The following CSMD1 variants were observed in gnomAD, a reference collection of about 807,000 sequenced individuals.
CSMD1 encodes the protein CUB and sushi domain-containing protein 1.
CSMD1 carries 213 observed loss-of-function variants against 417.5 expected under a neutral mutation model. The observed-to-expected ratio is 0.51, with a 90% confidence interval of 0.46 to 0.57. CSMD1 has a LOEUF of 0.57. CSMD1 is among the 20% of genes least tolerant of loss of function. CSMD1 has a pLI of 0.00. For synonymous variants in CSMD1, 2,862 were observed against 1,736.8 expected (o/e 1.65, Z -16.11); for missense variants, 6,923 against 4,529.7 (o/e 1.53, Z -15.17).
intron 21 of CSMD1, among the ~76,000 whole-genome samples, chr8:3,356,638 G>A (rs1310871595): frequency 1.3e-5 from 2 of 152,208 alleles, no homozygotes; most frequent in African/African-American, 4.8e-5. Flanking sequence ...TCGTGCCACT[G>A]CACTCCAGCC....
chr8:3,266,302 G>A (rs1236185007), intron 26 of CSMD1, among the ~76,000 whole-genome samples: 1 of 151,296 alleles, frequency 6.6e-6, no homozygotes, highest in Non-Finnish European at 1.5e-5. Context: ...GTTCTGCAAG[G>A]GGCCGTTTAA....
intron 3 of CSMD1, among the ~76,000 whole-genome samples, chr8:4,282,591 G>C (rs1796849008): frequency 6.6e-6 from 1 of 151,756 alleles, no homozygotes; most frequent in African/African-American, 2.4e-5. Context: ...ATTGATCTTA[G>C]AAGATTACAG....
chr8:4,364,166 A>G lies in CSMD1; in HGVS notation c.415+55787T>C, dbSNP rs375734115. ...AATCTCTCTTGTACTTCATAAATATATATACCTACTAAATGCCCACAAAAA... is the reference window on the plus strand; with the variant it reads ...AATCTCTCTTGTACTTCATAAATATGTATACCTACTAAATGCCCACAAAAA... On this transcript the variant is annotated intron_variant, in intron 3 of 69. Transcript: ENST00000635120. Among the ~76,000 whole-genome samples, 110 of 152,314 alleles carry G rather than the reference A, an allele frequency of 7.2e-4. 2 individuals carry two copies. The South Asian group carries it at 0.022, about 30-fold the overall frequency.
At chr8:4,194,334 G>A (rs1008406895) in intron 3 of CSMD1, among the ~76,000 whole-genome samples, 1 of 152,120 alleles carries the variant, frequency 6.6e-6, no homozygotes, top group South Asian at 2.1e-4. Context: ...AGAAGCTTCA[G>A]GAGAAAACCA....
chr8:3,521,941 T>C (rs947613039), intron 10 of CSMD1, among the ~76,000 whole-genome samples: 1 of 152,232 alleles, frequency 6.6e-6, no homozygotes, highest in African/African-American at 2.4e-5. Flanking sequence ...ATTCATCACA[T>C]ATTGGAAAGT....
At chr8:4,430,740 G>A (rs1432715432) in intron 2 of CSMD1, among the ~76,000 whole-genome samples, 1 of 152,150 alleles carries the variant, frequency 6.6e-6, no homozygotes, top group East Asian at 1.9e-4. Flanking sequence ...GCATGAAACA[G>A]CATCCACATA....
chr8:4,565,364 T>A (rs534372440), intron 2 of CSMD1, among the ~76,000 whole-genome samples: 1 of 152,304 alleles, frequency 6.6e-6, no homozygotes, highest in African/African-American at 2.4e-5. Flanking sequence ...ACAAGCCATG[T>A]GCAGCTGTGG....
At chr8:4,126,199 T>TC (rs1563156620) in intron 3 of CSMD1, among the ~76,000 whole-genome samples, 1 of 152,072 alleles carries the variant, frequency 6.6e-6, no homozygotes, top group Non-Finnish European at 1.5e-5. Flanking sequence ...AAAACCCTGA[T>TC]CCCCAAATGC....
intron 7 of CSMD1, among the ~76,000 whole-genome samples, chr8:3,654,703 A>G (rs1798017667): frequency 6.6e-6 from 1 of 152,228 alleles, no homozygotes. Context: ...CAGAGCCAGC[A>G]CAGGGACACA....
At chr8:4,412,176 C>G (rs751756522) in intron 3 of CSMD1, among the ~76,000 whole-genome samples, 1 of 152,148 alleles carries the variant, frequency 6.6e-6, no homozygotes, top group Admixed American at 6.6e-5. Flanking sequence ...GTTCGGATAT[C>G]TGTCAACGTG....
At chr8:3,585,646 C>T (rs770413146) in intron 9 of CSMD1, among the ~76,000 whole-genome samples, 21 of 152,188 alleles carry the variant, frequency 1.4e-4, no homozygotes, top group Non-Finnish European at 2.4e-4. Context: ...ATATTTTACT[C>T]TGCTAACTAT....
chr8:3,788,673 G>A (rs748238086), intron 5 of CSMD1, among the ~76,000 whole-genome samples: 3 of 152,116 alleles, frequency 2.0e-5, no homozygotes, highest in African/African-American at 7.2e-5. Context: ...AAAAATGTAA[G>A]TACCTCTCCA....
At chr8:4,854,250 T>G (rs955219901) in intron 1 of CSMD1, among the ~76,000 whole-genome samples, 1 of 152,152 alleles carries the variant, frequency 6.6e-6, no homozygotes, top group Admixed American at 6.5e-5. Flanking sequence ...CTATAAGTCT[T>G]ATGTTGAAAT....
intron 27 of CSMD1, among the ~76,000 whole-genome samples, chr8:3,224,093 C>G (rs1294740585): frequency 6.6e-6 from 1 of 152,098 alleles, no homozygotes; most frequent in Non-Finnish European, 1.5e-5. Flanking sequence ...ATATTCCACC[C>G]CATTTTCAAA....
At chr8:4,845,049 A>G (rs1442773680) in intron 1 of CSMD1, among the ~76,000 whole-genome samples, 1 of 132,486 alleles carries the variant, frequency 7.5e-6, no homozygotes, top group Non-Finnish European at 1.6e-5. Flanking sequence ...ATTAAGTTCT[A>G]CTAAATAATG....
chr8:3,971,150 T>A (rs1480629228), intron 5 of CSMD1, among the ~76,000 whole-genome samples: 1 of 148,074 alleles, frequency 6.8e-6, no homozygotes, highest in Non-Finnish European at 1.5e-5. Context: ...AATATTCTAT[T>A]TACGCTGCCT....
At chr8:4,408,162 C>A (rs920547651) in intron 3 of CSMD1, among the ~76,000 whole-genome samples, 1 of 152,156 alleles carries the variant, frequency 6.6e-6, no homozygotes, top group Non-Finnish European at 1.5e-5. Flanking sequence ...AAATGACTAC[C>A]AAAGCTTAGT....
chr8:3,693,764 T>C (rs1427240081), intron 7 of CSMD1, among the ~76,000 whole-genome samples: 1 of 151,708 alleles, frequency 6.6e-6, no homozygotes, highest in African/African-American at 2.4e-5. Context: ...TATGTGTGTT[T>C]TGTGTGTATT....
In CSMD1 at chr8:3,971,369, A is replaced by G. The variant is rs1248053793; in HGVS notation, c.818+26534T>C. ...TCTCTTTCTGTAATGTTCTGAAAAT[A>G]TAAATGACGACTGTCCCTATTAAGT... On this transcript the variant is annotated intron_variant, in intron 5 of 69. Transcript: ENST00000635120. Among the ~76,000 whole-genome samples, 3 of 152,186 alleles carry G rather than the reference A, an allele frequency of 2.0e-5. No homozygotes were observed. In the East Asian group the frequency reaches 5.8e-4, roughly 29 times the overall value.
Sources: gnomAD v4.1 joint callset for allele counts (sites outside exome capture counted in the v4.1 genomes callset) on GRCh38, gnomAD v4.1.1 for gene constraint, MANE v1.5 for transcripts, NCBI Gene and HGNC (gene_info 2026-07-23, HGNC 2026-07-21) for gene names.